EPB41L2: variants seen among roughly 807,000 people sequenced by gnomAD.
EPB41L2 encodes band 4.1-like protein 2.
EPB41L2 carries 43 observed loss-of-function variants against 113.0 expected under a neutral mutation model. That is an observed-to-expected ratio of 0.38 (90% CI 0.30 to 0.49). EPB41L2 has a LOEUF of 0.49. Ranked by LOEUF, EPB41L2 falls within the 20% of genes least tolerant of loss-of-function variation. The pLI is 0.95. For missense variants in EPB41L2, 1,147 were observed against 1,223.4 expected, an observed-to-expected ratio of 0.94 and a Z score of 0.93; for synonymous variants, 442 against 436.7, an observed-to-expected ratio of 1.01 and a Z score of -0.15.
chr6:131,053,434 T>TAA (rs71030727), intron 1 of EPB41L2, among the ~76,000 whole-genome samples: 2,746 of 88,642 alleles, frequency 0.031, 75 homozygotes, highest in African/African-American at 0.078. Flanking sequence ...ATGGAAATGA[T>TAA]AAAAAAAAAA....
chr6:131,048,021 C>T (rs191200613), intron 1 of EPB41L2, among the ~76,000 whole-genome samples: 1 of 146,458 alleles, frequency 6.8e-6, no homozygotes, highest in Non-Finnish European at 1.5e-5. Flanking sequence ...TACATGTAAT[C>T]CCAGCTACTC....
At chr6:130,916,997 T>G (rs750901778) in intron 4 of EPB41L2, among the ~76,000 whole-genome samples, 20 of 152,250 alleles carry the variant, frequency 1.3e-4, no homozygotes, top group Non-Finnish European at 5.9e-5. Flanking sequence ...CAGAAAGCCC[T>G]GGCAGGGCAC....
Position 130,887,130 on chromosome 6 carries a change from T to A in EPB41L2, c.1661-1862A>T, listed in dbSNP as rs117745144. 8.9e-3 allele frequency among the ~76,000 whole-genome samples: 1,359 copies of A among 152,346 alleles called. 14 individuals are homozygous for A. The highest frequency in any genetic ancestry group is 0.027 in the Middle Eastern group (8 of 292). On this transcript the variant is annotated intron_variant, in intron 11 of 19. Coordinates refer to ENST00000337057, the MANE Select transcript of EPB41L2 (RefSeq NM_001431.4). ...ATGTAATGATATTAAAATTTGAATA[T>A]CAAATTAAAAGTTATTAAAGTTGAC...
intron 11 of EPB41L2, 23 bp from the exon 12 acceptor site, chr6:130,885,291 G>T (rs201744281): frequency 6.7e-5 from 108 of 1,613,012 alleles, no homozygotes; most frequent in Non-Finnish European, 9.1e-5. Context: ...GACAATTTTG[G>T]ATTATTTTAG....
chr6:130,954,049 T>C lies in EPB41L2; in HGVS notation c.705+1056A>G, dbSNP rs869101344. ...GCTAGTCCTTTTCTTTCTTTTTTTT[T>C]TTTTTTTTTTTTTTTTTTTTTGAGA... is the stretch of plus-strand genomic sequence containing the variant. On this transcript the variant is annotated intron_variant, in intron 3 of 19. Transcript: ENST00000337057. 4.3e-3 allele frequency among the ~76,000 whole-genome samples: 405 copies of C among 93,186 alleles called. 7 individuals are homozygous for C. Among genetic ancestry groups the C allele is most frequent in the Non-Finnish European group, 5.3e-3 (230 of 43,360 alleles). The allele number at this position is 93,186 out of a possible 152,430, so 61.1% of individuals were successfully genotyped here.
chr6:130,861,931 T>C (rs1182624900), intron 18 of EPB41L2, among the ~76,000 whole-genome samples: 1 of 151,678 alleles, frequency 6.6e-6, no homozygotes. Context: ...AAATCTCTGT[T>C]CTCTTCATTT....
Position 131,026,439 on chromosome 6 carries a change from T to C in EPB41L2, c.-15+36716A>G, listed in dbSNP as rs1011496104. On this transcript the variant is annotated intron_variant, in intron 1 of 19. Coordinates refer to ENST00000337057, the MANE Select transcript of EPB41L2 (RefSeq NM_001431.4). ...AGGCTCATTATTTGTTTGTGGGAGT[T>C]GGGTTTTCAGTTTTTGTTTTTCTTG... 3.3e-5 allele frequency among the ~76,000 whole-genome samples: 5 copies of C among 152,322 alleles called. No individual in the cohort carries two copies. In the South Asian group the frequency reaches 6.2e-4, roughly 19 times the overall value.
intron 1 of EPB41L2, among the ~76,000 whole-genome samples, chr6:130,964,230 C>T (rs1362611317): frequency 2.6e-5 from 4 of 152,118 alleles, no homozygotes; most frequent in Non-Finnish European, 5.9e-5. Flanking sequence ...CCATGTTGGC[C>T]TGGCTGGTCT....
At chr6:131,024,787 T>C (rs1790478455) in intron 1 of EPB41L2, among the ~76,000 whole-genome samples, 2 of 152,218 alleles carry the variant, frequency 1.3e-5, no homozygotes, top group African/African-American at 4.8e-5. Flanking sequence ...TCTGAGGAAC[T>C]GATACCTGAG....
At chr6:130,845,670 C>G (rs186249467) in intron 19 of EPB41L2, among the ~76,000 whole-genome samples, 2 of 152,192 alleles carry the variant, frequency 1.3e-5, no homozygotes, top group African/African-American at 4.8e-5. Flanking sequence ...CGTGAGCCAC[C>G]AGGCCTGGCC....
chr6:131,040,013 G>A (rs1044225964), intron 1 of EPB41L2, among the ~76,000 whole-genome samples: 4 of 152,196 alleles, frequency 2.6e-5, no homozygotes, highest in South Asian at 2.1e-4. Context: ...GCAACCTAAT[G>A]AAATTGAAGA....
intron 14 of EPB41L2, among the ~76,000 whole-genome samples, chr6:130,877,328 T>C (rs1450000730): frequency 6.6e-6 from 1 of 152,182 alleles, no homozygotes; most frequent in Non-Finnish European, 1.5e-5. Context: ...AGATTAAATA[T>C]AGTATGATCA....
chr6:130,867,541 G>A lies in EPB41L2; in HGVS notation c.2648C>T (p.Ala883Val). Residue 883 changes from alanine (A) to valine (V), a missense_variant, in exon 16 of 20, where the codon GCC (alanine) becomes GTC (valine). By Grantham distance (64) the Ala-to-Val change is moderately conservative. Coordinates refer to ENST00000337057, the MANE Select transcript of EPB41L2 (RefSeq NM_001431.4). Reference protein sequence around the residue: ...VKTEMVTISDASQRTEISTKE... With the variant: ...VKTEMVTISDVSQRTEISTKE... ...GGTGGAGATTTCTGTCCTTTGTGAGGCATCAGAAATTGTTACCATCTCTGT... is the reference window on the plus strand; with the variant it reads ...GGTGGAGATTTCTGTCCTTTGTGAGACATCAGAAATTGTTACCATCTCTGT... 1 of 1,613,874 alleles carries A rather than the reference G, an allele frequency of 6.2e-7. No homozygotes were observed. Among genetic ancestry groups the A allele is most frequent in the Non-Finnish European group, 8.5e-7 (1 of 1,179,830 alleles).
intron 1 of EPB41L2, chr6:130,970,422 A>G (rs899999384): frequency 6.6e-6 from 1 of 152,242 alleles, no homozygotes; most frequent in Non-Finnish European, 1.5e-5. Context: ...GGAGAGGGAC[A>G]TGCTCAGTAG....
intron 1 of EPB41L2, among the ~76,000 whole-genome samples, chr6:130,983,026 T>C (rs573089581): frequency 6.6e-6 from 1 of 152,328 alleles, no homozygotes; most frequent in Non-Finnish European, 1.5e-5. Flanking sequence ...GATGCTTATA[T>C]AGCCTCAACT....
chr6:131,043,474 G>C (rs1794825900), intron 1 of EPB41L2, among the ~76,000 whole-genome samples: 1 of 152,044 alleles, frequency 6.6e-6, no homozygotes, highest in South Asian at 2.1e-4. Context: ...CCAATTCATA[G>C]GATGAAGGCA....
chr6:130,900,136 T>C (rs1795895344), intron 7 of EPB41L2, among the ~76,000 whole-genome samples: 1 of 152,320 alleles, frequency 6.6e-6, no homozygotes, highest in Middle Eastern at 3.4e-3. Context: ...CCCCATGGCA[T>C]GTCAGTACCT....
At chr6:130,993,657 C>CT in intron 1 of EPB41L2, among the ~76,000 whole-genome samples, 1 of 151,972 alleles carries the variant, frequency 6.6e-6, no homozygotes, top group African/African-American at 2.4e-5. Flanking sequence ...TCTCTTCCTG[C>CT]TTCTGCTATC....
intron 5 of EPB41L2, among the ~76,000 whole-genome samples, chr6:130,905,123 G>T (rs1002904889): frequency 6.6e-6 from 1 of 152,086 alleles, no homozygotes; most frequent in African/African-American, 2.4e-5. Context: ...GTAGGTGTAA[G>T]TATATTCGTA....
Sources: gnomAD v4.1 joint callset for allele counts (sites outside exome capture counted in the v4.1 genomes callset) on GRCh38, gnomAD v4.1.1 for gene constraint, MANE v1.5 for transcripts, NCBI Gene and HGNC (gene_info 2026-07-23, HGNC 2026-07-21) for gene names.